DPY19L4: variants seen among roughly 807,000 people sequenced by gnomAD.
DPY19L4 encodes probable C-mannosyltransferase DPY19L4.
A neutral mutation model predicts 102.8 loss-of-function variants in DPY19L4; 97 were observed. The ratio of observed to expected loss-of-function variants is 0.94; its 90% confidence interval spans 0.80 to 1.12. The LOEUF (loss-of-function observed/expected upper bound fraction) is 1.12. DPY19L4 is among the 50% of genes most tolerant of loss of function. The probability of loss-of-function intolerance (pLI) is 0.00; values close to 1 mark genes in which losing one functional copy is unlikely to be tolerated. For missense variants in DPY19L4, 815 were observed against 850.4 expected (o/e 0.96, Z 0.52); for synonymous variants, 252 against 283.1 (o/e 0.89, Z 1.10).
At chr8:94,727,552 T>C (rs1386006398) in intron 2 of DPY19L4, among the ~76,000 whole-genome samples, 2 of 152,182 alleles carry the variant, frequency 1.3e-5, no homozygotes, top group East Asian at 1.9e-4. Flanking sequence ...TGATTTATTA[T>C]AGCAAATAAT....
intron 8 of DPY19L4, among the ~76,000 whole-genome samples, chr8:94,763,196 C>T (rs1407740527): frequency 1.3e-5 from 2 of 151,314 alleles, no homozygotes; most frequent in Admixed American, 6.6e-5. Context: ...ATCTGCCCGC[C>T]TCAGCCTCCC....
At chr8:94,771,516 A>G (rs1812935033) in intron 13 of DPY19L4, among the ~76,000 whole-genome samples, 1 of 152,240 alleles carries the variant, frequency 6.6e-6, no homozygotes, top group African/African-American at 2.4e-5. Context: ...ATACAAAAAT[A>G]AAATTACAAC....
At position 94,734,698 on chromosome 8, in the gene DPY19L4, T is replaced by G; in HGVS notation, c.196T>G (p.Tyr66Asp). 1 of 1,614,142 alleles carries G rather than the reference T, an allele frequency of 6.2e-7. No individual in the cohort carries two copies. Among genetic ancestry groups the G allele is most frequent in the African/African-American group, 1.3e-5 (1 of 75,074 alleles). Residue 66 changes from tyrosine to aspartate, a missense_variant, in exon 3 of 19, where the codon TAT becomes GAT. Transcript: ENST00000414645. ...TGCAGCGGTTACTAGTGGTATGATG[T>G]ATGCTCTCTACTTATCAGCATACCA... ...CLAAVTSGMM[Y>D]ALYLSAYHER...
chr8:94,769,921 T>C (rs1298604191), intron 12 of DPY19L4, among the ~76,000 whole-genome samples: 1 of 148,436 alleles, frequency 6.7e-6, no homozygotes. Flanking sequence ...AGAGTCTTAC[T>C]CTGTCACTCA....
intron 1 of DPY19L4, 110 bp downstream of exon 1, chr8:94,720,124 C>A (rs1284931721): frequency 1.4e-5 from 19 of 1,388,082 alleles, no homozygotes; most frequent in Middle Eastern, 2.7e-4. Flanking sequence ...GTCGCGGTGG[C>A]GGCCGCGCGG....
intron 6 of DPY19L4, among the ~76,000 whole-genome samples, chr8:94,747,318 G>A (rs1811719339): frequency 6.6e-6 from 1 of 151,988 alleles, no homozygotes; most frequent in Admixed American, 6.6e-5. Context: ...CTCCCAAAGT[G>A]TTGGGATTAC....
intron 6 of DPY19L4, chr8:94,744,522 A>G (rs1320428986): frequency 4.4e-6 from 2 of 456,616 alleles, no homozygotes; most frequent in East Asian, 6.9e-5. Flanking sequence ...AGGTGACAAC[A>G]CAGGATATTA....
At chr8:94,759,144 C>T (rs552741762) in intron 7 of DPY19L4, among the ~76,000 whole-genome samples, 13 of 152,226 alleles carry the variant, frequency 8.5e-5, no homozygotes, top group Non-Finnish European at 1.5e-4. Flanking sequence ...TTGTGACGAG[C>T]GAAAGAACAA....
chr8:94,725,027 C>A (rs1032071052), intron 1 of DPY19L4, among the ~76,000 whole-genome samples: 2 of 151,598 alleles, frequency 1.3e-5, no homozygotes, highest in Non-Finnish European at 2.9e-5. Context: ...TATCACTATG[C>A]CAGTGTTTAA....
In DPY19L4 at chr8:94,764,575, CAA is replaced by C. The variant is rs554856939; in HGVS notation, c.871-592_871-591del. On this transcript the variant is annotated intron_variant, in intron 8 of 18. Transcript: ENST00000414645. ...TGGGCGACAGAGCGAGACTCCGTCT[CAA>C]AAAAAAAAAAAAAAAGAAAACAGTG... Among the ~76,000 whole-genome samples, 60 of 53,154 alleles carry C rather than the reference CAA, an allele frequency of 1.1e-3. 1 individual carries two copies. Among genetic ancestry groups the C allele is most frequent in the Admixed American group, 2.8e-3 (12 of 4,302 alleles). The allele number at this position is 53,154 out of a possible 152,430, so 34.9% of individuals were successfully genotyped here.
chr8:94,761,858 G>T, intron 8 of DPY19L4, 24 bp downstream of exon 8: 2 of 1,586,538 alleles, frequency 1.3e-6, no homozygotes, highest in Non-Finnish European at 1.7e-6. Flanking sequence ...TTGAAATGGT[G>T]ATTTTTAAGA....
At chr8:94,770,647 C>T (rs1478118939) in intron 13 of DPY19L4, 76 bp downstream of exon 13, 7 of 1,585,392 alleles carry the variant, frequency 4.4e-6, no homozygotes, top group Non-Finnish European at 1.7e-6. Context: ...CCTGTAATCC[C>T]AGCACTTTGG....
chr8:94,771,174 C>T (rs1014911174), intron 13 of DPY19L4, among the ~76,000 whole-genome samples: 2 of 152,018 alleles, frequency 1.3e-5, no homozygotes, highest in Admixed American at 6.6e-5. Context: ...CTTGGCCTCC[C>T]AAAGTGTTGG....
At chr8:94,744,261 G>A in intron 6 of DPY19L4, 1 of 433,896 alleles carries the variant, frequency 2.3e-6, no homozygotes, top group South Asian at 1.7e-5. Context: ...GCTCACTCAT[G>A]TGGCCATTTC....
intron 16 of DPY19L4, among the ~76,000 whole-genome samples, chr8:94,783,427 T>G (rs1167566295): frequency 6.6e-6 from 1 of 152,096 alleles, no homozygotes; most frequent in African/African-American, 2.4e-5. Context: ...GTTTACTTCT[T>G]ATTGTCTTCC....
At chr8:94,777,463 C>T (rs1278796220) in intron 13 of DPY19L4, among the ~76,000 whole-genome samples, 1 of 152,172 alleles carries the variant, frequency 6.6e-6, no homozygotes, top group Non-Finnish European at 1.5e-5. Flanking sequence ...TTTATTTTAT[C>T]CTAATTTGCT....
intron 14 of DPY19L4, among the ~76,000 whole-genome samples, chr8:94,778,382 T>C (rs963595320): frequency 6.6e-6 from 1 of 152,228 alleles, no homozygotes; most frequent in African/African-American, 2.4e-5. Context: ...TTTAGAACTA[T>C]GGTATATTTT....
Position 94,789,846 on chromosome 8 carries a change from G to T in DPY19L4, c.2108G>T (p.Arg703Ile). ...TCTCCATATGTGAATTATTTCACTA[G>T]AGTATACTGGAACAGATCCTACTTT... ...NYSPYVNYFT[R>I]VYWNRSYFVY... The change falls in exon 19 of 19, where the codon AGA becomes ATA. Residue 703 changes from arginine (R) to isoleucine (I), a missense_variant. Physicochemically the swap from Arg to Ile is moderately conservative, Grantham distance 97 (BLOSUM62 -3). Transcript: ENST00000414645. The T allele has an allele frequency of 1.2e-6, 2 of 1,610,484 alleles. No homozygotes were observed. Among genetic ancestry groups the T allele is most frequent in the Admixed American group, 1.7e-5 (1 of 59,400 alleles).
intron 2 of DPY19L4, among the ~76,000 whole-genome samples, chr8:94,730,242 T>C (rs1810885973): frequency 6.6e-6 from 1 of 152,194 alleles, no homozygotes; most frequent in Non-Finnish European, 1.5e-5. Flanking sequence ...ATGAAGGGAC[T>C]GGGGCACATA....
Sources: gnomAD v4.1 joint callset for allele counts (sites outside exome capture counted in the v4.1 genomes callset) on GRCh38, gnomAD v4.1.1 for gene constraint, MANE v1.5 for transcripts, NCBI Gene and HGNC (gene_info 2026-07-23, HGNC 2026-07-21) for gene names.